The following CEP290 variants were observed in gnomAD, a reference collection of about 807,000 sequenced individuals.
CEP290 encodes the protein centrosomal protein of 290 kDa.
CEP290 carries 317 observed loss-of-function variants against 344.9 expected under a neutral mutation model. That is an observed-to-expected ratio of 0.92 (90% CI 0.84 to 1.01). The LOEUF is 1.01. Ranked by LOEUF, CEP290 falls within the 50% of genes least tolerant of loss-of-function variation. The pLI is 0.00. For synonymous variants in CEP290, 932 were observed against 895.8 expected (o/e 1.04, Z -0.72); for missense variants, 2,754 against 2,761.4 (o/e 1.00, Z 0.06).
chr12:88,071,497 C>T, intron 42 of CEP290, 48 bp from the exon 43 acceptor site: 1 of 1,489,938 alleles, frequency 6.7e-7, no homozygotes, highest in African/African-American at 1.4e-5. Flanking sequence ...CAGTGTTTGG[C>T]TTTTCAATTG....
chr12:88,076,435 A>G (rs991687176), intron 41 of CEP290, among the ~76,000 whole-genome samples: 1 of 152,100 alleles, frequency 6.6e-6, no homozygotes, highest in Non-Finnish European at 1.5e-5. Flanking sequence ...GGTAAATTTT[A>G]TAATAAAAAT....
intron 41 of CEP290, among the ~76,000 whole-genome samples, chr12:88,075,579 T>A (rs1278092802): frequency 1.3e-5 from 2 of 151,840 alleles, no homozygotes; most frequent in Admixed American, 1.3e-4. Context: ...GACAAGTACA[T>A]GTCTAGTATG....
chr12:88,103,139 T>C (rs1266058017), intron 25 of CEP290, 128 bp from the exon 26 acceptor site: 1 of 479,408 alleles, frequency 2.1e-6, no homozygotes, highest in African/African-American at 2.0e-5. Context: ...AATATATGAT[T>C]TCCCATGTAA....
rs1418518691 is a variant in CEP290 at position 88,096,898 on chromosome 12, T to C, written c.3093A>G (p.Glu1031=). Residue 1031 remains glutamate, a synonymous_variant, in exon 27 of 54, where the codon GAA becomes GAG. Coordinates refer to ENST00000552810, the MANE Select transcript of CEP290 (RefSeq NM_025114.4). ...AGTCATAAAACTTACCTAATTTAGT[T>C]TCCTGTTCCCAGGCTTGTTCAATAG... ...LHTIEQAWEQ[E]TKLGNESSMD... 6.5e-7 allele frequency: 1 copy of C among 1,536,014 alleles called. No individual in the cohort carries two copies. Among genetic ancestry groups the C allele is most frequent in the East Asian group, 2.3e-5 (1 of 43,294 alleles).
intron 44 of CEP290, among the ~76,000 whole-genome samples, chr12:88,066,445 G>A (rs2136869017): frequency 6.6e-6 from 1 of 150,474 alleles, no homozygotes; most frequent in African/African-American, 2.4e-5. Context: ...GACTACAGGT[G>A]TGCACAATCA....
chr12:88,065,382 C>CA (rs1289492218), intron 44 of CEP290, among the ~76,000 whole-genome samples: 2 of 151,460 alleles, frequency 1.3e-5, no homozygotes, highest in Non-Finnish European at 3.0e-5. Context: ...TATGTCGTAG[C>CA]AAAAAAAAGA....
intron 5 of CEP290, among the ~76,000 whole-genome samples, chr12:88,137,794 T>C (rs898519544): frequency 6.6e-6 from 1 of 152,190 alleles, no homozygotes; most frequent in African/African-American, 2.4e-5. Flanking sequence ...AAGAAGGTGT[T>C]GGTGCTTCTA....
At chr12:88,073,576 T>C (rs948095358) in intron 41 of CEP290, among the ~76,000 whole-genome samples, 1 of 152,156 alleles carries the variant, frequency 6.6e-6, no homozygotes, top group Non-Finnish European at 1.5e-5. Flanking sequence ...AAAGGGGAAA[T>C]TATGAAACAT....
Position 88,054,346 on chromosome 12 carries a change from AC to A in CEP290, c.7027del (p.Val2343PhefsTer4), listed in dbSNP as rs2033827549. 8 of 1,601,802 alleles carry A rather than the reference AC, an allele frequency of 5.0e-6. No individual in the cohort carries two copies. The highest frequency in any genetic ancestry group is 6.8e-6 in the Non-Finnish European group (8 of 1,174,526). ...ATATGAATACATGATGTACCTAAGA[AC>A]TTGAAGCTCCCGTTTAAGGCCTTGC... ...TEQGLKRELQ[V>X]LRLANHQLDK... On this transcript the variant is annotated frameshift_variant, in exon 51 of 54. Transcript: ENST00000552810. LOFTEE classifies it high-confidence loss of function.
At chr12:88,134,702 T>C (rs929934941) in intron 6 of CEP290, among the ~76,000 whole-genome samples, 1 of 152,216 alleles carries the variant, frequency 6.6e-6, no homozygotes, top group Non-Finnish European at 1.5e-5. Flanking sequence ...AAATGACAAC[T>C]ATCTCATATG....
intron 41 of CEP290, among the ~76,000 whole-genome samples, chr12:88,073,570 G>A (rs1202443080): frequency 1.3e-5 from 2 of 152,086 alleles, no homozygotes; most frequent in Non-Finnish European, 2.9e-5. Flanking sequence ...AATAGTAAAG[G>A]GGAAATTATG....
chr12:88,059,402 A>G (rs1008940169), intron 48 of CEP290, among the ~76,000 whole-genome samples: 4 of 151,880 alleles, frequency 2.6e-5, no homozygotes, highest in Admixed American at 2.0e-4. Flanking sequence ...AGCAACGTAG[A>G]TCATTTCTTT....
chr12:88,051,068 A>G lies in CEP290; in HGVS notation c.7130-635T>C, dbSNP rs117534087. Among the ~76,000 whole-genome samples, 104 of 152,202 alleles carry G rather than the reference A, an allele frequency of 6.8e-4. No individual in the cohort carries two copies. The Middle Eastern group carries it at 0.014, about 20-fold the overall frequency. ...TTTGCTTTAATGCTATCTTTGCTAG[A>G]TATCTCTTTTCTTTATATTATACTA... On this transcript the variant is annotated intron_variant, in intron 52 of 53. Transcript: ENST00000552810.
intron 29 of CEP290, among the ~76,000 whole-genome samples, chr12:88,092,106 T>C (rs2037095866): frequency 6.6e-6 from 1 of 152,112 alleles, no homozygotes; most frequent in Non-Finnish European, 1.5e-5. Flanking sequence ...CTTATATATA[T>C]TTTGTGTTCT....
rs1003052610 is a variant in CEP290, at chr12:88,115,900, T to A, written c.1825-718A>T. The A allele has an allele frequency of 6.1e-6, 6 of 983,972 alleles. No individual in the cohort carries two copies. The Admixed American group carries it at 3.1e-4, about 50-fold the overall frequency. 61.0% of individuals were successfully genotyped at this position (983,972 alleles called of 1,614,324 possible). Reference sequence around the variant, plus strand: ...TTAACCTTAAGCTTATTTTTCAATATCTCTGTCTGTAAGGGTACTTCACTT... The same window carrying A: ...TTAACCTTAAGCTTATTTTTCAATAACTCTGTCTGTAAGGGTACTTCACTT... On this transcript the variant is annotated intron_variant, in intron 18 of 53. Transcript: ENST00000552810.
At chr12:88,133,139 G>T (rs1000484488) in intron 6 of CEP290, among the ~76,000 whole-genome samples, 2 of 149,370 alleles carry the variant, frequency 1.3e-5, no homozygotes, top group Admixed American at 1.3e-4. Flanking sequence ...CCAGTGGTGC[G>T]ATCTCAGCTC....
In CEP290 at chr12:88,077,324, A is replaced by G. The variant is rs777353443; in HGVS notation, c.5607T>C (p.Asn1869=). The change falls in exon 41 of 54, where the codon AAT becomes AAC. Residue 1869 remains asparagine, a synonymous_variant. Coordinates refer to ENST00000552810, the MANE Select transcript of CEP290 (RefSeq NM_025114.4). ...GGAGTTCTTCAATTAGACTTTGTTT[A>G]TTATCTGTCAGGGGTTTGCCCTAAA... ...SGLQGKPLTD[N]KQSLIEELQR... The G allele has an allele frequency of 5.7e-6, 9 of 1,569,874 alleles. No homozygotes were observed. The highest frequency in any genetic ancestry group is 7.8e-6 in the Non-Finnish European group (9 of 1,154,544).
chr12:88,066,458 C>T (rs537474016), intron 44 of CEP290, among the ~76,000 whole-genome samples: 152 of 142,718 alleles, frequency 1.1e-3, no homozygotes, highest in Non-Finnish European at 2.0e-3. Flanking sequence ...CACAATCACA[C>T]CCAGCTAATT....
At chr12:88,108,841 G>C (rs1281360883) in intron 23 of CEP290, among the ~76,000 whole-genome samples, 8 of 152,002 alleles carry the variant, frequency 5.3e-5, no homozygotes, top group Admixed American at 5.2e-4. Context: ...AAAAGCAAAC[G>C]TTAAATGACT....
Sources: allele counts gnomAD v4.1 joint callset (sites outside exome capture counted in the v4.1 genomes callset), GRCh38; gene constraint gnomAD v4.1.1; transcripts MANE v1.5; gene names NCBI Gene and HGNC (gene_info 2026-07-23, HGNC 2026-07-21).